Variants in ARPP21 observed in about 807,000 individuals in gnomAD.
The protein encoded by ARPP21 is cAMP-regulated phosphoprotein 21.
In ARPP21, 69 loss-of-function variants were observed where a neutral mutation model predicts 113.2. That is an observed-to-expected ratio of 0.61 (90% CI 0.50 to 0.74). ARPP21 has a LOEUF of 0.74. ARPP21 is among the 30% of genes least tolerant of loss of function. The probability of loss-of-function intolerance (pLI) is 0.00; values close to 1 mark genes in which losing one functional copy is unlikely to be tolerated. For synonymous variants in ARPP21, 368 were observed against 375.5 expected (o/e 0.98, Z 0.23); for missense variants, 1,070 against 1,037.4 (o/e 1.03, Z -0.43).
chr3:35,763,969 G>C (rs376794987), intron 19 of ARPP21, among the ~76,000 whole-genome samples: 1 of 152,076 alleles, frequency 6.6e-6, no homozygotes, highest in East Asian at 1.9e-4. Context: ...TTTGAGACCC[G>C]CCTGGGCAAC....
At chr3:35,660,526 C>G (rs1470528457) in intron 1 of ARPP21, among the ~76,000 whole-genome samples, 6 of 152,176 alleles carry the variant, frequency 3.9e-5, no homozygotes, top group Non-Finnish European at 5.9e-5. Flanking sequence ...GAAATCTCTT[C>G]TGTGCCATCC....
intron 1 of ARPP21, among the ~76,000 whole-genome samples, chr3:35,678,455 A>G (rs1215838522): frequency 1.3e-5 from 2 of 151,976 alleles, no homozygotes; most frequent in African/African-American, 2.4e-5. Context: ...TATAGTAGCT[A>G]TGGTGAAACT....
rs146720261 is a variant in ARPP21, at chr3:35,783,842, A to G, written c.2138-8540A>G. On this transcript the variant is annotated intron_variant, in intron 19 of 20. Transcript: ENST00000684406. ...ATGCCTGTATATTTACAATTCTCGA[A>G]TGCATTTTTTTGTATCTTTGCCCTT... Among the ~76,000 whole-genome samples, 348 of 152,246 alleles carry G rather than the reference A, an allele frequency of 2.3e-3. 1 individual carries two copies. The highest frequency in any genetic ancestry group is 8.1e-3 in the African/African-American group (335 of 41,554).
At chr3:35,763,543 A>G (rs1253711523) in intron 19 of ARPP21, among the ~76,000 whole-genome samples, 1 of 152,172 alleles carries the variant, frequency 6.6e-6, no homozygotes, top group Non-Finnish European at 1.5e-5. Flanking sequence ...ATTATGGACA[A>G]GAGCTATTAT....
Position 35,787,557 on chromosome 3 carries a change from C to G in ARPP21, c.2138-4825C>G, listed in dbSNP as rs1048270153. ...TCAACTGTCTTCCTGGTGTTTCGCT[C>G]TCTAAGTAACATGTCTTCAAACTGT... On this transcript the variant is annotated intron_variant, in intron 19 of 20. Transcript: ENST00000684406. Among the ~76,000 whole-genome samples, 10 of 152,272 alleles carry G rather than the reference C, an allele frequency of 6.6e-5. No homozygotes were observed. In the East Asian group the frequency reaches 1.9e-3, roughly 29 times the overall value.
chr3:35,698,658 A>C (rs2085025461), intron 9 of ARPP21, among the ~76,000 whole-genome samples: 9 of 151,664 alleles, frequency 5.9e-5, no homozygotes, highest in Admixed American at 5.9e-4. Context: ...CTTCTCCTAA[A>C]GTTAGAGAAA....
intron 19 of ARPP21, among the ~76,000 whole-genome samples, chr3:35,758,380 C>T (rs1027657919): frequency 1.3e-5 from 2 of 152,062 alleles, no homozygotes; most frequent in Non-Finnish European, 2.9e-5. Flanking sequence ...TTTGCTGCTT[C>T]TCTCCCCAAA....
At chr3:35,675,352 C>T (rs966448912) in intron 1 of ARPP21, among the ~76,000 whole-genome samples, 1 of 151,788 alleles carries the variant, frequency 6.6e-6, no homozygotes, top group Non-Finnish European at 1.5e-5. Flanking sequence ...AACCTTGATG[C>T]TGTCGGATTC....
intron 9 of ARPP21, among the ~76,000 whole-genome samples, chr3:35,705,970 T>C (rs2088825314): frequency 6.6e-6 from 1 of 152,172 alleles, no homozygotes. Flanking sequence ...TCGGAGCAAA[T>C]GATAAGTTTC....
At chr3:35,733,748 T>G (rs2094156229) in intron 15 of ARPP21, among the ~76,000 whole-genome samples, 1 of 152,232 alleles carries the variant, frequency 6.6e-6, no homozygotes, top group Admixed American at 6.5e-5. Context: ...TCTCAGTTCT[T>G]TCCATCTCCC....
intron 4 of ARPP21, 48 bp downstream of exon 4, chr3:35,682,937 T>G: frequency 6.8e-7 from 1 of 1,470,116 alleles, no homozygotes; most frequent in Non-Finnish European, 9.3e-7. Flanking sequence ...GGGTATAAAT[T>G]ACATATTTTA....
Position 35,663,895 on chromosome 3 carries a change from A to G in ARPP21, c.-212-15892A>G, listed in dbSNP as rs139164835. Among the ~76,000 whole-genome samples, 44 of 152,328 alleles carry G rather than the reference A, an allele frequency of 2.9e-4. No individual in the cohort carries two copies. In the East Asian group the frequency reaches 7.1e-3, roughly 25 times the overall value. ...CAAGAAGGCCATACTTGGCATCTCAAAAAAGGTGCAGGGCATTTAACATGT... is the reference window on the plus strand; with the variant it reads ...CAAGAAGGCCATACTTGGCATCTCAGAAAAGGTGCAGGGCATTTAACATGT... On this transcript the variant is annotated intron_variant, in intron 1 of 20. Transcript: ENST00000684406.
At chr3:35,730,647 T>C (rs2093896877) in intron 15 of ARPP21, among the ~76,000 whole-genome samples, 1 of 152,262 alleles carries the variant, frequency 6.6e-6, no homozygotes, top group South Asian at 2.1e-4. Context: ...TTCCAGACTA[T>C]TTCTTCAATT....
chr3:35,685,028 T>C, intron 5 of ARPP21: 1 of 984,914 alleles, frequency 1.0e-6, no homozygotes, highest in Non-Finnish European at 1.2e-6. Context: ...TGTTGATTGA[T>C]GGCTTGTAAT....
intron 19 of ARPP21, among the ~76,000 whole-genome samples, chr3:35,745,238 A>G (rs1342348736): frequency 1.3e-5 from 2 of 152,232 alleles, no homozygotes. Context: ...TAATTTGTGG[A>G]AAACGTTATT....
At chr3:35,698,876 T>G (rs1299120659) in intron 9 of ARPP21, among the ~76,000 whole-genome samples, 1 of 151,514 alleles carries the variant, frequency 6.6e-6, no homozygotes, top group Non-Finnish European at 1.5e-5. Context: ...CAAAAAAAAG[T>G]CTCCAGAATC....
At chr3:35,765,352 T>A (rs1254732305) in intron 19 of ARPP21, among the ~76,000 whole-genome samples, 1 of 152,124 alleles carries the variant, frequency 6.6e-6, no homozygotes. Flanking sequence ...TGAGATTGAT[T>A]CTGAGAGATA....
At chr3:35,729,594 T>C in intron 15 of ARPP21, 58 bp downstream of exon 15, 2 of 1,435,966 alleles carry the variant, frequency 1.4e-6, no homozygotes, top group Non-Finnish European at 2.0e-6. Context: ...GTTCTTATGT[T>C]TGATCTTATG....
At chr3:35,681,273 A>C (rs1203237594) in intron 2 of ARPP21, 1 of 153,772 alleles carries the variant, frequency 6.5e-6, no homozygotes, top group Non-Finnish European at 1.4e-5. Context: ...CTAGGGAAGC[A>C]TGTCTATGTT....
Sources: allele counts gnomAD v4.1 joint callset (sites outside exome capture counted in the v4.1 genomes callset), GRCh38; gene constraint gnomAD v4.1.1; transcripts MANE v1.5; gene names NCBI Gene and HGNC (gene_info 2026-07-23, HGNC 2026-07-21).